Variants in STARD6 observed in about 807,000 individuals in gnomAD.
STARD6 encodes stAR-related lipid transfer protein 6.
A neutral mutation model predicts 22.3 loss-of-function variants in STARD6; 21 were observed. The observed-to-expected ratio is 0.94, with a 90% CI of 0.67 to 1.35. The LOEUF is 1.35. Ranked by LOEUF, STARD6 falls within the 40% of genes most tolerant of loss-of-function variation. The probability of loss-of-function intolerance (pLI) is 0.00; values close to 1 mark genes in which losing one functional copy is unlikely to be tolerated. For synonymous variants in STARD6, 80 were observed against 88.1 expected, an observed-to-expected ratio of 0.91 and a Z score of 0.52; for missense variants, 269 against 266.9, an observed-to-expected ratio of 1.01 and a Z score of -0.05.
In STARD6 at chr18:54,324,893, GT is replaced by G. The variant is rs1460133270; in HGVS notation, c.480-19del. The G allele has an allele frequency of 1.4e-5, 20 of 1,476,532 alleles. No homozygotes were observed. The highest frequency in any genetic ancestry group is 1.8e-5 in the Non-Finnish European group (20 of 1,118,106). The allele number at this position is 1,476,532 out of a possible 1,614,324, so 91.5% of individuals were successfully genotyped here. A position where few individuals can be genotyped will look rare whatever the true frequency, so the allele number is the denominator to read the frequency against. On this transcript the variant is annotated intron_variant, in intron 7 of 7. Transcript: ENST00000307844. The stretch of plus-strand genomic sequence containing the variant: ...CTGGGTTTCTGTAAGCAAAAGAAGA[GT>G]TAAAAAAAGATAAGAAATTTTTAGA...
chr18:54,352,937 C>T (rs1397688877), intron 4 of STARD6, among the ~76,000 whole-genome samples: 1 of 152,192 alleles, frequency 6.6e-6, no homozygotes, highest in Non-Finnish European at 1.5e-5. Context: ...AAAGTTAATT[C>T]CCCTAGTGTA....
chr18:54,347,309 A>T (rs1415996922), intron 4 of STARD6, among the ~76,000 whole-genome samples: 1 of 152,072 alleles, frequency 6.6e-6, no homozygotes, highest in African/African-American at 2.4e-5. Flanking sequence ...TTTTGTTATC[A>T]TATCTTTTAT....
At chr18:54,343,720 TG>T (rs2089006760) in intron 4 of STARD6, among the ~76,000 whole-genome samples, 1 of 45,440 alleles carries the variant, frequency 2.2e-5, no homozygotes, top group Non-Finnish European at 4.4e-5. Flanking sequence ...GGGAGGGAGG[TG>T]GGGGTGTCGG....
chr18:54,348,739 G>C (rs971482112), intron 4 of STARD6, among the ~76,000 whole-genome samples: 4 of 152,100 alleles, frequency 2.6e-5, no homozygotes, highest in African/African-American at 9.7e-5. Context: ...CTATGTGCTG[G>C]TAGGTCTGTA....
At chr18:54,337,313 A>C (rs1019011640) in intron 4 of STARD6, 62 bp from the exon 5 acceptor site, 11 of 1,492,116 alleles carry the variant, frequency 7.4e-6, no homozygotes, top group Non-Finnish European at 1.0e-5. Context: ...CTGAAAATAT[A>C]ATACTATCAA....
chr18:54,350,023 T>C (rs994473479), intron 4 of STARD6, among the ~76,000 whole-genome samples: 3 of 152,204 alleles, frequency 2.0e-5, no homozygotes, highest in Admixed American at 2.0e-4. Flanking sequence ...CTGGATCAAA[T>C]TGCAGTTCTA....
intron 4 of STARD6, among the ~76,000 whole-genome samples, chr18:54,338,289 A>T (rs988169804): frequency 6.6e-6 from 1 of 152,228 alleles, no homozygotes; most frequent in Non-Finnish European, 1.5e-5. Flanking sequence ...CCAAGCTACC[A>T]GTCCCTGGCT....
chr18:54,339,318 G>GAAATAA (rs904637965), intron 4 of STARD6, among the ~76,000 whole-genome samples: 34 of 151,302 alleles, frequency 2.2e-4, no homozygotes, highest in Admixed American at 2.0e-3. Context: ...AAAAAATATA[G>GAAATAA]AAATAAAATA....
At chr18:54,328,980 G>T (rs1377655619) in intron 7 of STARD6, among the ~76,000 whole-genome samples, 2 of 152,088 alleles carry the variant, frequency 1.3e-5, no homozygotes, top group Non-Finnish European at 2.9e-5. Context: ...ACTGATAAAT[G>T]TTAAGTGTGC....
intron 4 of STARD6, among the ~76,000 whole-genome samples, chr18:54,352,276 G>A (rs2089105415): frequency 6.6e-6 from 1 of 151,824 alleles, no homozygotes; most frequent in Admixed American, 6.6e-5. Context: ...TTGTATTTCT[G>A]TGGTATTGGC....
chr18:54,342,289 G>C (rs1307533736), intron 4 of STARD6, among the ~76,000 whole-genome samples: 1 of 152,176 alleles, frequency 6.6e-6, no homozygotes, highest in East Asian at 1.9e-4. Context: ...CGGTGAATCT[G>C]ACCAAAAGTT....
intron 1 of STARD6, among the ~76,000 whole-genome samples, chr18:54,357,507 G>A (rs2089164293): frequency 6.6e-6 from 1 of 152,142 alleles, no homozygotes; most frequent in Non-Finnish European, 1.5e-5. Context: ...CTTATTTTTG[G>A]CGGGGGATGC....
intron 7 of STARD6, among the ~76,000 whole-genome samples, chr18:54,326,811 C>G (rs922995085): frequency 6.6e-6 from 1 of 151,762 alleles, no homozygotes; most frequent in Admixed American, 6.6e-5. Flanking sequence ...GAATTATACT[C>G]TCTCCATTTC....
At chr18:54,342,596 C>A (rs917312235) in intron 4 of STARD6, among the ~76,000 whole-genome samples, 4 of 121,588 alleles carry the variant, frequency 3.3e-5, no homozygotes, top group Non-Finnish European at 6.7e-5. Context: ...CTCAGCCTGC[C>A]GAGTGCCTGC....
intron 7 of STARD6, among the ~76,000 whole-genome samples, chr18:54,326,326 C>CTTTT (rs11353724): frequency 1.2e-4 from 15 of 120,278 alleles, no homozygotes; most frequent in Non-Finnish European, 2.0e-4. Flanking sequence ...GCTGACAGGT[C>CTTTT]TTTTTTTTTT....
rs754576270 is a variant in STARD6 at position 54,324,810 on chromosome 18, G to C, written c.545C>G (p.Ser182Ter). 10 of 1,606,062 alleles carry C rather than the reference G, an allele frequency of 6.2e-6. No homozygotes were observed. Among genetic ancestry groups the C allele is most frequent in the Non-Finnish European group, 8.5e-6 (10 of 1,177,046 alleles). Residue 182 changes from serine to a stop codon, truncating the protein, a stop_gained, in exon 8 of 8, where the codon TCA becomes TGA. Coordinates refer to ENST00000307844, the MANE Select transcript of STARD6 (RefSeq NM_139171.2). LOFTEE classifies it low-confidence loss of function (END_TRUNC). ...GGAAGGCATGGTTTTTTCAATTATT[G>C]ATGGGGACAATTTTCCTCTCATTTC... ...QTEMRGKLSP[S>*]IIEKTMPSNL... is the part of the protein sequence containing the mutation.
chr18:54,327,212 C>T (rs1480524705), intron 7 of STARD6, among the ~76,000 whole-genome samples: 4 of 152,044 alleles, frequency 2.6e-5, no homozygotes, highest in Non-Finnish European at 4.4e-5. Flanking sequence ...TAACAGTTTG[C>T]ATTATGTTTA....
At chr18:54,329,302 A>G in intron 7 of STARD6, 45 bp downstream of exon 7, 1 of 1,445,572 alleles carries the variant, frequency 6.9e-7, no homozygotes, top group South Asian at 1.4e-5. Flanking sequence ...TCACAAGTTG[A>G]ACTAAAAAAA....
rs1431831014 is a variant in STARD6, at chr18:54,339,070, A to C, written c.141-1819T>G. Among the ~76,000 whole-genome samples, 28 of 148,252 alleles carry C rather than the reference A, an allele frequency of 1.9e-4. No homozygotes were observed. The East Asian group carries it at 4.0e-3, about 21-fold the overall frequency. ...AAAAAAAAAAAAAAAAAAAAAAAAAAAAAAAAAAAACTCAAAGCAATGATT... is the reference window on the plus strand; with the variant it reads ...AAAAAAAAAAAAAAAAAAAAAAAAACAAAAAAAAAACTCAAAGCAATGATT... On this transcript the variant is annotated intron_variant, in intron 4 of 7. Coordinates refer to ENST00000307844, the MANE Select transcript of STARD6 (RefSeq NM_139171.2).
Sources: gnomAD v4.1 joint callset for allele counts (sites outside exome capture counted in the v4.1 genomes callset) on GRCh38, gnomAD v4.1.1 for gene constraint, MANE v1.5 for transcripts, NCBI Gene and HGNC (gene_info 2026-07-23, HGNC 2026-07-21) for gene names.